HSD17B2: variants seen among roughly 807,000 people sequenced by gnomAD.
HSD17B2 encodes hydroxysteroid 17-beta dehydrogenase 2.
HSD17B2 carries 32 observed loss-of-function variants against 26.9 expected under a neutral mutation model. The ratio of observed to expected loss-of-function variants is 1.19; its 90% CI spans 0.90 to 1.60. HSD17B2 has a LOEUF of 1.60. HSD17B2 is among the 40% of genes most tolerant of loss of function. The pLI is 0.00. For synonymous variants in HSD17B2, 246 were observed against 186.7 expected (o/e 1.32, Z -2.59); for missense variants, 613 against 468.6 (o/e 1.31, Z -2.85).
chr16:82,065,833 T>G (rs1231394169), intron 1 of HSD17B2, among the ~76,000 whole-genome samples: 1 of 152,226 alleles, frequency 6.6e-6, no homozygotes, highest in Non-Finnish European at 1.5e-5. Context: ...CTGTGTGATC[T>G]TGGCATCTCT....
chr16:82,050,638 C>G (rs1038167631), intron 1 of HSD17B2, among the ~76,000 whole-genome samples: 3 of 152,198 alleles, frequency 2.0e-5, no homozygotes, highest in African/African-American at 7.2e-5. Context: ...CCAGATCCCA[C>G]ACCTCTCTCC....
chr16:82,064,280 G>A (rs1056983959), intron 1 of HSD17B2, among the ~76,000 whole-genome samples: 17 of 152,138 alleles, frequency 1.1e-4, no homozygotes, highest in African/African-American at 3.6e-4. Context: ...TACCTGCCAC[G>A]CTGGCTTCTT....
chr16:82,045,222 A>G (rs1913888659), intron 1 of HSD17B2, among the ~76,000 whole-genome samples: 1 of 152,016 alleles, frequency 6.6e-6, no homozygotes. Flanking sequence ...TGGTATGAAA[A>G]TGGTCCAGGG....
intron 1 of HSD17B2, among the ~76,000 whole-genome samples, chr16:82,037,666 A>G (rs1432997767): frequency 2.0e-5 from 3 of 152,258 alleles, no homozygotes; most frequent in African/African-American, 4.8e-5. Context: ...AATATTAAAT[A>G]TCAAAAGCAA....
At chr16:82,073,652 G>T (rs148366342) in intron 3 of HSD17B2, among the ~76,000 whole-genome samples, 1 of 152,022 alleles carries the variant, frequency 6.6e-6, no homozygotes, top group Non-Finnish European at 1.5e-5. Context: ...CTAGGGAGGT[G>T]AAAGATCTCC....
intron 3 of HSD17B2, among the ~76,000 whole-genome samples, chr16:82,076,133 T>C (rs1047033166): frequency 6.6e-6 from 1 of 152,104 alleles, no homozygotes; most frequent in Non-Finnish European, 1.5e-5. Flanking sequence ...CAAAACCATA[T>C]GATCATTTCA....
chr16:82,085,005 T>C (rs141341361), intron 3 of HSD17B2, among the ~76,000 whole-genome samples: 1 of 152,256 alleles, frequency 6.6e-6, no homozygotes, highest in Non-Finnish European at 1.5e-5. Context: ...ATCATAGGCA[T>C]GAGCTACTGA....
At chr16:82,060,850 T>C (rs1256411378) in intron 1 of HSD17B2, among the ~76,000 whole-genome samples, 1 of 152,226 alleles carries the variant, frequency 6.6e-6, no homozygotes, top group African/African-American at 2.4e-5. Flanking sequence ...GATTCATCGC[T>C]GTGGCTAGAA....
chr16:82,078,853 G>T (rs542539559), intron 3 of HSD17B2, among the ~76,000 whole-genome samples: 1 of 152,334 alleles, frequency 6.6e-6, no homozygotes, highest in South Asian at 2.1e-4. Context: ...AGAGTAGAAG[G>T]ATGGTTACCA....
At chr16:82,045,287 GC>G (rs1427687353) in intron 1 of HSD17B2, among the ~76,000 whole-genome samples, 1 of 152,044 alleles carries the variant, frequency 6.6e-6, no homozygotes, top group African/African-American at 2.4e-5. Flanking sequence ...CCCCCAGTGA[GC>G]CCCCCATCCA....
intron 1 of HSD17B2, among the ~76,000 whole-genome samples, chr16:82,059,391 C>T (rs79720670): frequency 2.6e-5 from 4 of 152,310 alleles, no homozygotes; most frequent in East Asian, 3.9e-4. Flanking sequence ...GGTTGAGAAT[C>T]GCTTTCCTGC....
At chr16:82,064,388 A>AT (rs1184847395) in intron 1 of HSD17B2, among the ~76,000 whole-genome samples, 2 of 151,954 alleles carry the variant, frequency 1.3e-5, no homozygotes, top group East Asian at 1.9e-4. Context: ...GGTATACCAT[A>AT]TTTTTTATCC....
At position 82,098,316 on chromosome 16, in the gene HSD17B2, C is replaced by G. The variant is rs1383092880; in HGVS notation, c.1044C>G (p.Ile348Met). 6.2e-7 allele frequency: 1 copy of G among 1,614,104 alleles called. No homozygotes were observed. Among genetic ancestry groups the G allele is most frequent in the Non-Finnish European group, 8.5e-7 (1 of 1,180,032 alleles). ...CAGGGAAAGGCGCTTACTTGTGGAT[C>G]TGCCTTGCTCACTATTTGCCTATTG... is the stretch of plus-strand genomic sequence containing the variant. ...YTPGKGAYLWICLAHYLPIGI... is the reference protein window; with the variant it reads ...YTPGKGAYLWMCLAHYLPIGI... The change falls in exon 5 of 5, where the codon ATC becomes ATG. Residue 348 changes from isoleucine to methionine, a missense_variant. Coordinates refer to ENST00000199936, the MANE Select transcript of HSD17B2 (RefSeq NM_002153.3).
intron 1 of HSD17B2, among the ~76,000 whole-genome samples, chr16:82,044,006 C>G (rs1408035398): frequency 6.6e-6 from 1 of 152,200 alleles, no homozygotes; most frequent in Non-Finnish European, 1.5e-5. Context: ...TGCATCATAT[C>G]AGAGTCAAAT....
chr16:82,091,123 A>G lies in HSD17B2; in HGVS notation c.802+84A>G, dbSNP rs759141688. The G allele has an allele frequency of 3.0e-6, 4 of 1,316,806 alleles. No individual in the cohort carries two copies. In the South Asian group the frequency reaches 4.7e-5, roughly 16 times the overall value. The allele number at this position is 1,316,806 out of a possible 1,614,324, so 81.6% of individuals were successfully genotyped here. ...TCTTGGTCTGACAGAGCACACATTG[A>G]ACCCCTCATTGTTGTCAAAGATGAG... On this transcript the variant is annotated intron_variant, in intron 4 of 4. Transcript: ENST00000199936.
intron 1 of HSD17B2, among the ~76,000 whole-genome samples, chr16:82,061,520 C>G (rs897210359): frequency 9.9e-5 from 15 of 152,138 alleles, no homozygotes; most frequent in African/African-American, 3.4e-4. Context: ...AGGTTATCAT[C>G]ATTTCTCTTG....
intron 1 of HSD17B2, among the ~76,000 whole-genome samples, chr16:82,055,939 GA>G (rs1914253482): frequency 6.6e-6 from 1 of 152,220 alleles, no homozygotes; most frequent in Non-Finnish European, 1.5e-5. Context: ...GGTGGAATGA[GA>G]AGTGTAAGCT....
At chr16:82,070,804 T>G in intron 2 of HSD17B2, 138 bp from the exon 3 acceptor site, 1 of 734,986 alleles carries the variant, frequency 1.4e-6, no homozygotes, top group Non-Finnish European at 2.2e-6. Flanking sequence ...GGCTCTTGCC[T>G]TTGTCCAGTG....
chr16:82,091,162 C>A, intron 4 of HSD17B2, 123 bp downstream of exon 4: 2 of 995,292 alleles, frequency 2.0e-6, no homozygotes, highest in Non-Finnish European at 1.6e-6. Context: ...AGCCAGAGAT[C>A]AGTTAAAGGG....
Sources: gnomAD v4.1 joint callset for allele counts (sites outside exome capture counted in the v4.1 genomes callset) on GRCh38, gnomAD v4.1.1 for gene constraint, MANE v1.5 for transcripts, NCBI Gene and HGNC (gene_info 2026-07-23, HGNC 2026-07-21) for gene names.